Variants in TENM3 observed in about 807,000 individuals in gnomAD.
TENM3 encodes teneurin-3.
A neutral mutation model predicts 255.1 loss-of-function variants in TENM3; 63 were observed. The ratio of observed to expected loss-of-function variants is 0.25; its 90% confidence interval spans 0.20 to 0.30. The LOEUF (loss-of-function observed/expected upper bound fraction) is 0.30, where lower values mean the gene tolerates loss of function less well. Ranked by LOEUF, TENM3 falls within the 10% of genes least tolerant of loss-of-function variation. TENM3 has a pLI of 1.00. For missense variants in TENM3, 2,929 were observed against 3,461.1 expected (o/e 0.85, Z 3.86); for synonymous variants, 1,306 against 1,322.3 (o/e 0.99, Z 0.27).
the TENM3 span, among the ~76,000 whole-genome samples, chr4:181,473,527 G>A: frequency 6.6e-6 from 1 of 151,972 alleles, no homozygotes; most frequent in South Asian, 2.1e-4. Context: ...AGGAGGTTGC[G>A]GCTGCAGTGA....
At chr4:181,494,534 C>T in the TENM3 span, among the ~76,000 whole-genome samples, 1 of 152,182 alleles carries the variant, frequency 6.6e-6, no homozygotes, top group Admixed American at 6.5e-5. Flanking sequence ...GATCCACCCG[C>T]CTCAGCCTCC....
At chr4:181,515,567 T>G in the TENM3 span, among the ~76,000 whole-genome samples, 1 of 152,196 alleles carries the variant, frequency 6.6e-6, no homozygotes, top group Middle Eastern at 3.4e-3. Flanking sequence ...GACATTTAAA[T>G]GTGCTCTTCT....
chr4:182,000,097 G>A, the TENM3 span, among the ~76,000 whole-genome samples: 563 of 152,042 alleles, frequency 3.7e-3, 5 homozygotes, highest in African/African-American at 0.012. Flanking sequence ...GATTTTCTAC[G>A]TCATATCAAC....
rs148742462 is a variant in TENM3 at position 182,192,095 on chromosome 4, C to T, written c.-76+47341C>T. 8.0e-4 allele frequency among the ~76,000 whole-genome samples: 122 copies of T among 152,114 alleles called. 1 individual carries two copies. The highest frequency in any genetic ancestry group is 2.8e-3 in the African/African-American group (117 of 41,482). ...GCTCCGAGAATAATATTTCATGATACGGGAAAATTATATGAAATTCAAATT... is the reference window on the plus strand; with the variant it reads ...GCTCCGAGAATAATATTTCATGATATGGGAAAATTATATGAAATTCAAATT... On this transcript the variant is annotated intron_variant, in intron 1 of 2. Transcript: ENST00000512480.
At chr4:182,251,185 G>T (rs1415202156) in intron 1 of TENM3, among the ~76,000 whole-genome samples, 10 of 152,158 alleles carry the variant, frequency 6.6e-5, no homozygotes. Context: ...AAGTCATCAT[G>T]GGGGCTGGGC....
the TENM3 span, among the ~76,000 whole-genome samples, chr4:181,498,764 G>A: frequency 1.3e-5 from 2 of 152,116 alleles, no homozygotes; most frequent in Non-Finnish European, 2.9e-5. Flanking sequence ...CCACTGATAG[G>A]ATTCAAGCAG....
At chr4:182,420,850 A>C (rs916210378) in intron 3 of TENM3, among the ~76,000 whole-genome samples, 1 of 152,218 alleles carries the variant, frequency 6.6e-6, no homozygotes, top group African/African-American at 2.4e-5. Flanking sequence ...CACTCAGAAG[A>C]CATATCTCCA....
chr4:181,467,060 AGTGTGTGT>A, the TENM3 span, among the ~76,000 whole-genome samples: 52,940 of 87,332 alleles, frequency 0.61, 17,182 homozygotes, highest in Non-Finnish European at 0.67. Context: ...ATATTTTACT[AGTGTGTGT>A]GTGTGTGTGT....
intron 3 of TENM3, among the ~76,000 whole-genome samples, chr4:182,463,409 G>A (rs979718987): frequency 6.6e-6 from 1 of 151,604 alleles, no homozygotes; most frequent in South Asian, 2.1e-4. Context: ...TCATTAGTCA[G>A]TGTGTTGCTT....
the TENM3 span, among the ~76,000 whole-genome samples, chr4:181,654,304 AG>A: frequency 6.6e-6 from 1 of 152,056 alleles, no homozygotes; most frequent in Non-Finnish European, 1.5e-5. Flanking sequence ...GGCCTCATTA[AG>A]AACTCTGATG....
chr4:182,599,102 G>C (rs987171858), intron 3 of TENM3, among the ~76,000 whole-genome samples: 2 of 152,052 alleles, frequency 1.3e-5, no homozygotes, highest in Admixed American at 6.6e-5. Context: ...CATAACTATA[G>C]CTTGTTTAGT....
the TENM3 span, chr4:181,821,519 G>A: frequency 3.3e-5 from 5 of 152,092 alleles, no homozygotes; most frequent in Non-Finnish European, 5.9e-5. Flanking sequence ...TTTATAAGTC[G>A]AATGAATACA....
intron 24 of TENM3, among the ~76,000 whole-genome samples, chr4:182,781,321 G>T (rs1448679110): frequency 6.8e-6 from 1 of 147,508 alleles, no homozygotes; most frequent in African/African-American, 2.5e-5. Context: ...TAATCATGTG[G>T]TTTTTGTCTT....
the TENM3 span, among the ~76,000 whole-genome samples, chr4:181,448,165 T>A: frequency 2.3e-4 from 30 of 127,700 alleles, no homozygotes; most frequent in South Asian, 1.4e-3. Context: ...TTTTTTTTTT[T>A]TTTTTTTTTT....
the TENM3 span, among the ~76,000 whole-genome samples, chr4:182,049,245 G>A: frequency 2.0e-5 from 3 of 152,110 alleles, no homozygotes; most frequent in Non-Finnish European, 4.4e-5. Flanking sequence ...ATGATCTTAG[G>A]GTAGATTTAT....
chr4:182,247,305 T>G (rs1379550718), intron 1 of TENM3, among the ~76,000 whole-genome samples: 1 of 152,130 alleles, frequency 6.6e-6, no homozygotes, highest in African/African-American at 2.4e-5. Flanking sequence ...GGGTTGGTTG[T>G]CTTACGAAGA....
chr4:181,900,726 A>G, the TENM3 span, among the ~76,000 whole-genome samples: 5 of 152,226 alleles, frequency 3.3e-5, no homozygotes, highest in African/African-American at 1.2e-4. Context: ...AACAAAGAAT[A>G]GGCTTCCGTC....
chr4:181,635,367 A>G, the TENM3 span, among the ~76,000 whole-genome samples: 9 of 152,336 alleles, frequency 5.9e-5, no homozygotes, highest in East Asian at 1.9e-4. Context: ...AGACTAATCA[A>G]TCTTCATGAG....
the TENM3 span, among the ~76,000 whole-genome samples, chr4:181,653,040 A>G: frequency 6.6e-6 from 1 of 152,202 alleles, no homozygotes; most frequent in African/African-American, 2.4e-5. Flanking sequence ...TGTCTCAAAA[A>G]ATCGGCAGCT....
Sources: allele counts gnomAD v4.1 joint callset (sites outside exome capture counted in the v4.1 genomes callset), GRCh38; gene constraint gnomAD v4.1.1; transcripts MANE v1.5; gene names NCBI Gene and HGNC (gene_info 2026-07-23, HGNC 2026-07-21).